The following ANKS6 variants were observed in gnomAD, a reference collection of about 807,000 sequenced individuals.
The protein encoded by ANKS6 is ankyrin repeat and SAM domain-containing protein 6.
ANKS6 carries 47 observed loss-of-function variants against 77.9 expected under a neutral mutation model. The ratio of observed to expected loss-of-function variants is 0.60; its 90% confidence interval spans 0.48 to 0.77. The LOEUF (loss-of-function observed/expected upper bound fraction) is 0.77. ANKS6 is among the 30% of genes least tolerant of loss of function. ANKS6 has a pLI of 0.00. For synonymous variants in ANKS6, 488 were observed against 501.7 expected (o/e 0.97, Z 0.37); for missense variants, 1,150 against 1,159.1 (o/e 0.99, Z 0.11).
intron 14 of ANKS6, among the ~76,000 whole-genome samples, chr9:98,740,447 C>T (rs968466617): frequency 2.6e-5 from 4 of 152,210 alleles, no homozygotes; most frequent in South Asian, 4.1e-4. Context: ...GCCCCTTTTC[C>T]GCTAAGTATC....
At position 98,734,776 on chromosome 9, in the gene ANKS6, G is replaced by A; in HGVS notation, c.*1743C>T. Reference sequence around the variant, plus strand: ...ACAAAGGTAAAGCTGCCAGCACATAGTAGGGGATGAATGAGTGTGTCTCCT... The same window carrying A: ...ACAAAGGTAAAGCTGCCAGCACATAATAGGGGATGAATGAGTGTGTCTCCT... On this transcript the variant is annotated 3_prime_UTR_variant, in exon 15 of 15. Transcript: ENST00000353234. 1.0e-6 allele frequency: 1 copy of A among 984,538 alleles called. No individual in the cohort carries two copies. Among genetic ancestry groups the A allele is most frequent in the Non-Finnish European group, 1.2e-6 (1 of 829,134 alleles). The allele number at this position is 984,538 out of a possible 1,614,324, so 61.0% of individuals were successfully genotyped here. A position where few individuals can be genotyped will look rare whatever the true frequency, so the allele number is the denominator to read the frequency against.
chr9:98,766,816 G>T (rs561169418), intron 11 of ANKS6, among the ~76,000 whole-genome samples: 1 of 152,208 alleles, frequency 6.6e-6, no homozygotes, highest in African/African-American at 2.4e-5. Context: ...AATCTCTGGA[G>T]GCGCTTCTTT....
chr9:98,769,548 T>C (rs1303519452), intron 10 of ANKS6, among the ~76,000 whole-genome samples: 4 of 152,224 alleles, frequency 2.6e-5, no homozygotes, highest in African/African-American at 9.6e-5. Context: ...GTGCTGTAGA[T>C]ATATATGTAT....
intron 12 of ANKS6, 122 bp downstream of exon 12, chr9:98,756,298 G>A (rs1588349831): frequency 4.5e-6 from 5 of 1,098,916 alleles, no homozygotes; most frequent in Admixed American, 2.9e-5. Flanking sequence ...CATGTTTGTC[G>A]TAAATCTTCT....
chr9:98,793,736 T>C (rs1320619809), intron 1 of ANKS6, among the ~76,000 whole-genome samples: 1 of 151,390 alleles, frequency 6.6e-6, no homozygotes, highest in Non-Finnish European at 1.5e-5. Context: ...GGTTTCACTA[T>C]GTTGGCCAGG....
In ANKS6 at chr9:98,732,424, A is replaced by G; in HGVS notation, c.*4095T>C. On this transcript the variant is annotated 3_prime_UTR_variant, in exon 15 of 15. Transcript: ENST00000353234. ...TCCAGTGACAGCAAGACCCAGAGTCAGGCACATTTGGAGGGCAGGTCCATC... is the reference window on the plus strand; with the variant it reads ...TCCAGTGACAGCAAGACCCAGAGTCGGGCACATTTGGAGGGCAGGTCCATC... 6.9e-7 allele frequency: 1 copy of G among 1,450,016 alleles called. No individual in the cohort carries two copies. The allele number at this position is 1,450,016 out of a possible 1,614,324, so 89.8% of individuals were successfully genotyped here.
chr9:98,781,119 C>T (rs528293541), intron 5 of ANKS6, among the ~76,000 whole-genome samples: 13 of 152,216 alleles, frequency 8.5e-5, no homozygotes, highest in Non-Finnish European at 1.9e-4. Flanking sequence ...AGGCTGGTCT[C>T]GAACCCCTGG....
In ANKS6 at chr9:98,791,637, C is replaced by T. The variant is rs139012893; in HGVS notation, c.360-1031G>A. On this transcript the variant is annotated intron_variant, in intron 1 of 14. Transcript: ENST00000353234. This position sits in a 1 kb window ranked among gnomAD's most constrained non-coding sequence, Gnocchi z 4.3. ...ATGACAAGACAGGGGCTGTCTACTC[C>T]AGGTTTTCGAGACCACAAAGCCACT... Among the ~76,000 whole-genome samples, 550 of 152,278 alleles carry T rather than the reference C, an allele frequency of 3.6e-3. 9 individuals carry two copies. Among genetic ancestry groups the T allele is most frequent in the Admixed American group, 0.028 (421 of 15,304 alleles).
At chr9:98,772,710 G>A (rs545770650) in intron 9 of ANKS6, among the ~76,000 whole-genome samples, 4 of 152,148 alleles carry the variant, frequency 2.6e-5, no homozygotes, top group Admixed American at 6.5e-5. Flanking sequence ...CATAGCTCAC[G>A]TTCTCTCTCC....
intron 5 of ANKS6, 48 bp downstream of exon 5, chr9:98,782,419 C>T (rs747562421): frequency 5.2e-6 from 8 of 1,537,734 alleles, no homozygotes; most frequent in Non-Finnish European, 7.2e-6. Context: ...GACTCCCAGT[C>T]CAAGAAACGC....
chr9:98,759,613 G>A (rs1832904512), intron 11 of ANKS6, among the ~76,000 whole-genome samples: 1 of 152,108 alleles, frequency 6.6e-6, no homozygotes, highest in African/African-American at 2.4e-5. Flanking sequence ...CAGAATTCAG[G>A]GAAACACTTA....
chr9:98,771,518 C>T (rs1833626344), intron 9 of ANKS6, among the ~76,000 whole-genome samples: 1 of 152,198 alleles, frequency 6.6e-6, no homozygotes, highest in Non-Finnish European at 1.5e-5. Flanking sequence ...GGTGTCTTTC[C>T]TGGCCCCATT....
At chr9:98,784,385 G>C (rs1834450685) in intron 3 of ANKS6, 2 of 459,328 alleles carry the variant, frequency 4.4e-6, no homozygotes, top group Non-Finnish European at 7.6e-6. Flanking sequence ...GTTACCAAAA[G>C]ACAGAAGTGT....
At chr9:98,762,332 T>A (rs1833062356) in intron 11 of ANKS6, among the ~76,000 whole-genome samples, 1 of 151,248 alleles carries the variant, frequency 6.6e-6, no homozygotes, top group Non-Finnish European at 1.5e-5. Flanking sequence ...TTGTGTAGAT[T>A]CTTTGCAGTT....
chr9:98,792,441 C>T (rs1423360863), intron 1 of ANKS6, among the ~76,000 whole-genome samples: 2 of 152,182 alleles, frequency 1.3e-5, no homozygotes, highest in East Asian at 1.9e-4. Context: ...CAGCCCCTAC[C>T]ATAGTGGCTG....
chr9:98,783,687 A>C lies in ANKS6; in HGVS notation c.1112+266T>G, dbSNP rs188759653. 2,011 of 341,492 alleles carry C rather than the reference A, an allele frequency of 5.9e-3. 9 individuals are homozygous for C. Among genetic ancestry groups the C allele is most frequent in the Non-Finnish European group, 8.2e-3 (1,559 of 191,114 alleles). 21.2% of individuals were successfully genotyped at this position (341,492 alleles called of 1,614,324 possible). ...AACTGAAACCAACCTAGAGAACCTT[A>C]TCTCTCTGCATAAAATGCTCCTGCT... On this transcript the variant is annotated intron_variant, in intron 4 of 14. Transcript: ENST00000353234.
At chr9:98,767,784 T>C (rs947327005) in intron 11 of ANKS6, among the ~76,000 whole-genome samples, 1 of 152,212 alleles carries the variant, frequency 6.6e-6, no homozygotes, top group Non-Finnish European at 1.5e-5. Flanking sequence ...TCCTCATCAA[T>C]GAACAAATGT....
At chr9:98,747,634 C>T (rs1832208478) in intron 13 of ANKS6, among the ~76,000 whole-genome samples, 1 of 152,166 alleles carries the variant, frequency 6.6e-6, no homozygotes, top group African/African-American at 2.4e-5. Flanking sequence ...CATCCCAACC[C>T]CTAGCAGGGA....
chr9:98,732,356 A>C lies in ANKS6; in HGVS notation c.*4163T>G, dbSNP rs974478610. 107 of 938,006 alleles carry C rather than the reference A, an allele frequency of 1.1e-4. No individual in the cohort carries two copies. The African/African-American group carries it at 1.5e-3, about 13-fold the overall frequency. 58.1% of individuals were successfully genotyped at this position (938,006 alleles called of 1,614,324 possible). A position where few individuals can be genotyped will look rare whatever the true frequency, so the allele number is the denominator to read the frequency against. ...TTTACCCGCTGGATCAGCTTCTACGACTTGGTCAAACTATCTTTCTTTCTG... is the reference window on the plus strand; with the variant it reads ...TTTACCCGCTGGATCAGCTTCTACGCCTTGGTCAAACTATCTTTCTTTCTG... On this transcript the variant is annotated 3_prime_UTR_variant, in exon 15 of 15. Coordinates refer to ENST00000353234, the MANE Select transcript of ANKS6 (RefSeq NM_173551.5).
Sources: gnomAD v4.1 joint callset for allele counts (sites outside exome capture counted in the v4.1 genomes callset) on GRCh38, gnomAD v4.1.1 for gene constraint, Gnocchi (gnomAD v3.1) non-coding constraint, MANE v1.5 for transcripts, NCBI Gene and HGNC (gene_info 2026-07-23, HGNC 2026-07-21) for gene names.